RAB11FIP2: variants seen among roughly 807,000 people sequenced by gnomAD.
The protein encoded by RAB11FIP2 is RAB11 family interacting protein 2.
A neutral mutation model predicts 40.9 loss-of-function variants in RAB11FIP2; 16 were observed. The observed-to-expected ratio is 0.39, with a 90% CI of 0.26 to 0.59. The LOEUF is 0.59. Ranked by LOEUF, RAB11FIP2 falls within the 20% of genes least tolerant of loss-of-function variation. RAB11FIP2 has a pLI of 0.53. For synonymous variants in RAB11FIP2, 228 were observed against 213.7 expected (o/e 1.07, Z -0.58); for missense variants, 532 against 606.2 (o/e 0.88, Z 1.28).
intron 4 of RAB11FIP2, 110 bp from the exon 5 acceptor site, chr10:118,009,335 G>A (rs953076487): frequency 3.4e-5 from 34 of 1,007,000 alleles, no homozygotes; most frequent in Non-Finnish European, 4.3e-5. Context: ...GAAGTTTTTC[G>A]CTAGCCTTGC....
rs1237179951 is a variant in RAB11FIP2 at position 118,006,134 on chromosome 10, T to C, written c.*2864A>G. ...TGTTGTTTTATATACAATTCTAAGA[T>C]ATGACCCTGGTATTCAATAAATGAA... is the stretch of plus-strand genomic sequence containing the variant. On this transcript the variant is annotated 3_prime_UTR_variant, in exon 5 of 5. Coordinates refer to ENST00000355624, the MANE Select transcript of RAB11FIP2 (RefSeq NM_014904.3). The C allele has an allele frequency of 1.3e-5, 2 of 152,618 alleles. No individual in the cohort carries two copies. The highest frequency in any genetic ancestry group is 2.9e-5 in the Non-Finnish European group (2 of 68,024). 9.5% of individuals were successfully genotyped at this position (152,618 alleles called of 1,614,324 possible). A position where few individuals can be genotyped will look rare whatever the true frequency, so the allele number is the denominator to read the frequency against.
In RAB11FIP2 at chr10:118,045,750, A is replaced by G. The variant is rs777282346; in HGVS notation, c.353+61T>C. 42 of 1,361,002 alleles carry G rather than the reference A, an allele frequency of 3.1e-5. No individual in the cohort carries two copies. In the Middle Eastern group the frequency reaches 5.7e-4, roughly 18 times the overall value. The allele number at this position is 1,361,002 out of a possible 1,614,324, so 84.3% of individuals were successfully genotyped here. On this transcript the variant is annotated intron_variant, in intron 1 of 4. Transcript: ENST00000355624. Reference sequence around the variant, plus strand: ...CGAAGTATACGGATAATTTCCAAGAACAGAAAAACCATAAATAAGATATAA... The same window carrying G: ...CGAAGTATACGGATAATTTCCAAGAGCAGAAAAACCATAAATAAGATATAA...
chr10:118,010,923 G>A (rs891584464), intron 4 of RAB11FIP2, among the ~76,000 whole-genome samples: 5 of 151,906 alleles, frequency 3.3e-5, no homozygotes, highest in African/African-American at 4.8e-5. Context: ...GACAGGGGCC[G>A]AAATGGAAGG....
intron 3 of RAB11FIP2, among the ~76,000 whole-genome samples, chr10:118,030,028 G>C (rs1027930653): frequency 2.0e-5 from 3 of 152,080 alleles, no homozygotes; most frequent in Admixed American, 6.5e-5. Context: ...AGGAAAGCAA[G>C]GTTAATTTGC....
rs543878101 is a variant in RAB11FIP2, at chr10:118,016,225, G to A, written c.1266-1115C>T. 1.0e-3 allele frequency among the ~76,000 whole-genome samples: 156 copies of A among 152,250 alleles called. 1 individual carries two copies. In the South Asian group the frequency reaches 0.015, roughly 14 times the overall value. On this transcript the variant is annotated intron_variant, in intron 3 of 4. Coordinates refer to ENST00000355624, the MANE Select transcript of RAB11FIP2 (RefSeq NM_014904.3). ...TACTAGCTTCCAGAAGTGATTGTTCGCCTTTTCTAACTAGAACTCCTGAGG... is the reference window on the plus strand; with the variant it reads ...TACTAGCTTCCAGAAGTGATTGTTCACCTTTTCTAACTAGAACTCCTGAGG...
intron 3 of RAB11FIP2, among the ~76,000 whole-genome samples, chr10:118,020,630 G>A (rs1846273203): frequency 6.6e-6 from 1 of 152,158 alleles, no homozygotes; most frequent in South Asian, 2.1e-4. Context: ...CCTCCCTGCT[G>A]GGCTGCAGTA....
chr10:118,040,621 G>A, intron 1 of RAB11FIP2, 56 bp from the exon 2 acceptor site: 2 of 1,266,916 alleles, frequency 1.6e-6, no homozygotes, highest in Non-Finnish European at 2.2e-6. Context: ...AGGATACTGA[G>A]TTCTGTTACA....
intron 3 of RAB11FIP2, among the ~76,000 whole-genome samples, chr10:118,015,995 C>T (rs1846215290): frequency 6.6e-6 from 1 of 152,208 alleles, no homozygotes; most frequent in Non-Finnish European, 1.5e-5. Context: ...AAATAACTGG[C>T]ATCCTTTGAA....
chr10:118,009,146 T>C lies in RAB11FIP2; in HGVS notation c.1391A>G (p.Lys464Arg). 1.2e-6 allele frequency: 2 copies of C among 1,613,632 alleles called. No homozygotes were observed. Among genetic ancestry groups the C allele is most frequent in the Non-Finnish European group, 8.5e-7 (1 of 1,179,618 alleles). ...GGTGTCTTTCCTCCTAAGGAGTTCT[T>C]TGTGTTTCACCAGCTCCTGTAGAAC... is the stretch of plus-strand genomic sequence containing the variant. ...EEVLQELVKH[K>R]ELLRRKDTHI... Residue 464 changes from lysine to arginine, a missense_variant, in exon 5 of 5, where the codon AAA becomes AGA. Coordinates refer to ENST00000355624, the MANE Select transcript of RAB11FIP2 (RefSeq NM_014904.3).
At chr10:118,043,116 T>C (rs1846582474) in intron 1 of RAB11FIP2, among the ~76,000 whole-genome samples, 1 of 152,134 alleles carries the variant, frequency 6.6e-6, no homozygotes, top group South Asian at 2.1e-4. Context: ...CACAGGTCCA[T>C]GTTCAAAAAC....
chr10:118,033,975 T>C (rs1271189178), intron 3 of RAB11FIP2: 2 of 701,940 alleles, frequency 2.8e-6, no homozygotes, highest in Non-Finnish European at 2.6e-6. Context: ...AGGCTGCTCC[T>C]ACTTACAGCT....
At position 118,045,899 on chromosome 10, in the gene RAB11FIP2, T is replaced by A. The variant is rs769040235; in HGVS notation, c.265A>T (p.Arg89Trp). The change falls in exon 1 of 5, where the codon AGG (arginine) becomes TGG (tryptophan). Residue 89 changes from arginine to tryptophan, a missense_variant. Physicochemically the swap from Arg to Trp is moderately radical, Grantham distance 101. Transcript: ENST00000355624. ...KYILFLIVMH[R>W]SLVGLDKFLG... is the part of the protein sequence containing the mutation. ...AATTTATCCAGACCCACCAGGGACC[T>A]GTGCATAACTATAAGGAAAAGAATG... The A allele has an allele frequency of 6.2e-7, 1 of 1,614,224 alleles. No homozygotes were observed. The highest frequency in any genetic ancestry group is 1.1e-5 in the South Asian group (1 of 91,092).
intron 3 of RAB11FIP2, 133 bp from the exon 4 acceptor site, chr10:118,015,243 C>A (rs1846203943): frequency 3.5e-6 from 2 of 570,408 alleles, no homozygotes; most frequent in South Asian, 4.4e-5. Flanking sequence ...GAAATTTAAT[C>A]CAAGAAGTAG....
intron 3 of RAB11FIP2, among the ~76,000 whole-genome samples, chr10:118,037,470 C>T (rs937159495): frequency 1.3e-5 from 2 of 152,030 alleles, no homozygotes; most frequent in Non-Finnish European, 2.9e-5. Context: ...ACTCTATTTG[C>T]TGTTTCTAGT....
chr10:118,038,895 G>C lies in RAB11FIP2; in HGVS notation c.1265+77C>G, dbSNP rs1846514915. The C allele has an allele frequency of 3.3e-6, 3 of 908,552 alleles. No individual in the cohort carries two copies. The Admixed American group carries it at 8.8e-5, about 27-fold the overall frequency. The allele number at this position is 908,552 out of a possible 1,614,324, so 56.3% of individuals were successfully genotyped here. On this transcript the variant is annotated intron_variant, in intron 3 of 4. Coordinates refer to ENST00000355624, the MANE Select transcript of RAB11FIP2 (RefSeq NM_014904.3). Reference sequence around the variant, plus strand: ...AATAAAATGACTTGAAAATATTCTAGCATTTAAAAGAAATATTTGATACCT... The same window carrying C: ...AATAAAATGACTTGAAAATATTCTACCATTTAAAAGAAATATTTGATACCT...
intron 4 of RAB11FIP2, among the ~76,000 whole-genome samples, chr10:118,011,221 T>C (rs538947360): frequency 4.1e-4 from 62 of 152,254 alleles, no homozygotes; most frequent in Admixed American, 2.1e-3. Context: ...TAGTTTATTT[T>C]AGCATTAGAA....
At chr10:118,041,211 C>G (rs1222919063) in intron 1 of RAB11FIP2, among the ~76,000 whole-genome samples, 3 of 149,560 alleles carry the variant, frequency 2.0e-5, no homozygotes, top group African/African-American at 7.4e-5. Flanking sequence ...AAGTAAAATG[C>G]AAGAAGTGAC....
intron 1 of RAB11FIP2, among the ~76,000 whole-genome samples, chr10:118,042,648 G>A (rs989394694): frequency 3.9e-5 from 6 of 152,120 alleles, no homozygotes; most frequent in Non-Finnish European, 5.9e-5. Context: ...TGCATTAAAT[G>A]TTTATTCAAT....
intron 4 of RAB11FIP2, 151 bp from the exon 5 acceptor site, chr10:118,009,376 C>G: frequency 1.4e-6 from 1 of 718,716 alleles, no homozygotes; most frequent in Non-Finnish European, 2.3e-6. Flanking sequence ...CACAAATTGG[C>G]TAGCCAGTCC....
Sources: allele counts gnomAD v4.1 joint callset (sites outside exome capture counted in the v4.1 genomes callset), GRCh38; gene constraint gnomAD v4.1.1; transcripts MANE v1.5; gene names NCBI Gene and HGNC (gene_info 2026-07-23, HGNC 2026-07-21).